Variants in CLPB observed in about 807,000 individuals in gnomAD.
CLPB encodes mitochondrial disaggregase.
CLPB carries 40 observed loss-of-function variants against 78.4 expected under a neutral mutation model. The ratio of observed to expected loss-of-function variants is 0.51; its 90% CI spans 0.40 to 0.66. CLPB has a LOEUF of 0.66. CLPB is among the 30% of genes least tolerant of loss of function. CLPB has a pLI of 0.00. For missense variants in CLPB, 780 were observed against 886.9 expected, an observed-to-expected ratio of 0.88 and a Z score of 1.53; for synonymous variants, 333 against 348.0, an observed-to-expected ratio of 0.96 and a Z score of 0.48.
intron 5 of CLPB, chr11:72,336,881 C>G (rs892087303): frequency 2.6e-6 from 1 of 389,814 alleles, no homozygotes; most frequent in Middle Eastern, 6.5e-4. Flanking sequence ...CTCAGCTCCA[C>G]TCTGTCCCCA....
chr11:72,397,652 A>G (rs1855447240), intron 3 of CLPB, among the ~76,000 whole-genome samples: 1 of 152,140 alleles, frequency 6.6e-6, no homozygotes, highest in African/African-American at 2.4e-5. Flanking sequence ...CTCTTTTTCG[A>G]TGAAGCATCT....
intron 2 of CLPB, among the ~76,000 whole-genome samples, chr11:72,418,222 G>A (rs1856080389): frequency 6.6e-6 from 1 of 152,206 alleles, no homozygotes; most frequent in South Asian, 2.1e-4. Context: ...TCTGTACCAT[G>A]TGTCTTCTGA....
Position 72,379,659 on chromosome 11 carries a change from T to C in CLPB, c.646+622A>G, listed in dbSNP as rs114941481. Among the ~76,000 whole-genome samples, 350 of 152,256 alleles carry C rather than the reference T, an allele frequency of 2.3e-3. 1 individual carries two copies. Among genetic ancestry groups the C allele is most frequent in the African/African-American group, 7.9e-3 (330 of 41,550 alleles). Reference sequence around the variant, plus strand: ...CATCCCAGACATCCCAGAGGAGGCATTGATGATGACCTCATTTTATGAGGA... The same window carrying C: ...CATCCCAGACATCCCAGAGGAGGCACTGATGATGACCTCATTTTATGAGGA... On this transcript the variant is annotated intron_variant, in intron 4 of 15. Coordinates refer to ENST00000538039, the MANE Select transcript of CLPB (RefSeq NM_001258392.3).
Position 72,294,621 on chromosome 11 carries a change from T to G in CLPB, c.1559A>C (p.Lys520Thr). The G allele has an allele frequency of 6.2e-7, 1 of 1,613,942 alleles. No homozygotes were observed. The highest frequency in any genetic ancestry group is 8.5e-7 in the Non-Finnish European group (1 of 1,179,778). ...GAAGTGCCAAGAAAGACCTCTTACT[T>G]TCAGGATAGGGCGAATCACATTCTC... is the stretch of plus-strand genomic sequence containing the variant. ...FKENVIRPILKAHFRRDEFLG... is the reference protein window; with the variant it reads ...FKENVIRPILTAHFRRDEFLG... The change falls in exon 13 of 16, where the codon AAA becomes ACA. Residue 520 changes from lysine (K) to threonine (T), a missense_variant and splice_region_variant. Transcript: ENST00000538039.
chr11:72,422,025 T>C (rs1856214298), intron 2 of CLPB, among the ~76,000 whole-genome samples: 1 of 149,622 alleles, frequency 6.7e-6, no homozygotes, highest in Non-Finnish European at 1.5e-5. Flanking sequence ...CCCAGCACTT[T>C]GGGAGGCCAA....
At chr11:72,431,985 C>T (rs765257885) in intron 1 of CLPB, among the ~76,000 whole-genome samples, 5 of 152,174 alleles carry the variant, frequency 3.3e-5, no homozygotes, top group African/African-American at 4.8e-5. Context: ...GGCAAGACCT[C>T]ACCAAATACA....
At chr11:72,429,414 T>C (rs1238326893) in intron 2 of CLPB, among the ~76,000 whole-genome samples, 1 of 152,132 alleles carries the variant, frequency 6.6e-6, no homozygotes, top group Non-Finnish European at 1.5e-5. Flanking sequence ...CTTTCTTGTA[T>C]GTTCAGGAAG....
At chr11:72,330,645 T>C (rs1950207709) in intron 5 of CLPB, among the ~76,000 whole-genome samples, 1 of 152,148 alleles carries the variant, frequency 6.6e-6, no homozygotes, top group South Asian at 2.1e-4. Flanking sequence ...ATCCATTCCA[T>C]TCAAGTCGGC....
At chr11:72,302,425 C>A (rs1251104531) in intron 9 of CLPB, 77 bp from the exon 10 acceptor site, 1 of 1,237,258 alleles carries the variant, frequency 8.1e-7, no homozygotes, top group South Asian at 1.2e-5. Context: ...GAGAGCACCT[C>A]AACTATCCCC....
chr11:72,332,372 C>G (rs1028170968), intron 5 of CLPB, among the ~76,000 whole-genome samples: 3 of 151,740 alleles, frequency 2.0e-5, no homozygotes, highest in African/African-American at 7.3e-5. Context: ...GCCCGTAATC[C>G]CAGCTACTCG....
chr11:72,389,927 C>G (rs996099540), intron 3 of CLPB, among the ~76,000 whole-genome samples: 1 of 152,040 alleles, frequency 6.6e-6, no homozygotes, highest in Non-Finnish European at 1.5e-5. Context: ...ATTCTCTCAA[C>G]CAGCTCAAGA....
intron 5 of CLPB, among the ~76,000 whole-genome samples, chr11:72,348,088 A>G (rs956307486): frequency 2.0e-5 from 3 of 152,218 alleles, no homozygotes; most frequent in Admixed American, 2.0e-4. Context: ...CTCCAGAACT[A>G]TAAGATAAAT....
At chr11:72,302,134 T>G (rs1590764601) in intron 10 of CLPB, 170 bp from the exon 11 acceptor site, 2 of 975,966 alleles carry the variant, frequency 2.0e-6, no homozygotes, top group East Asian at 5.1e-5. Flanking sequence ...ATGTTTATTC[T>G]TCAGAGCAAA....
chr11:72,321,807 T>G (rs539948543), intron 6 of CLPB, among the ~76,000 whole-genome samples: 9 of 152,142 alleles, frequency 5.9e-5, no homozygotes, highest in Non-Finnish European at 1.2e-4. Flanking sequence ...GTCCACCTGC[T>G]ACTCATAGAT....
intron 3 of CLPB, among the ~76,000 whole-genome samples, chr11:72,399,756 A>G (rs917595383): frequency 6.6e-6 from 1 of 152,236 alleles, no homozygotes; most frequent in Non-Finnish European, 1.5e-5. Flanking sequence ...TCAGCCTTGA[A>G]TCAAGGGTGC....
chr11:72,295,261 G>A (rs946508594), intron 12 of CLPB, among the ~76,000 whole-genome samples: 4 of 152,186 alleles, frequency 2.6e-5, no homozygotes, highest in Non-Finnish European at 5.9e-5. Context: ...TTCCTGCCTG[G>A]AGCCCTCTTA....
At chr11:72,394,446 C>T (rs554731909) in intron 3 of CLPB, among the ~76,000 whole-genome samples, 1 of 152,186 alleles carries the variant, frequency 6.6e-6, no homozygotes, top group South Asian at 2.1e-4. Flanking sequence ...ACTGGATGCT[C>T]TCCTATCCCC....
intron 4 of CLPB, among the ~76,000 whole-genome samples, chr11:72,378,514 G>C (rs1200582964): frequency 6.6e-6 from 1 of 152,192 alleles, no homozygotes; most frequent in East Asian, 1.9e-4. Flanking sequence ...GCATGGGAAA[G>C]ACTAGCCCCC....
Position 72,287,859 on chromosome 11 carries a change from C to CTAAT in CLPB, c.*5504_*5507dup, listed in dbSNP as rs1385410421. 6.6e-6 allele frequency: 1 copy of CTAAT among 152,132 alleles called. No individual in the cohort carries two copies. Among genetic ancestry groups the CTAAT allele is most frequent in the Non-Finnish European group, 1.5e-5 (1 of 68,018 alleles). 9.4% of individuals were successfully genotyped at this position (152,132 alleles called of 1,614,324 possible). A position where few individuals can be genotyped will look rare whatever the true frequency, so the allele number is the denominator to read the frequency against. ...TATGGTTATGTCTAATTTCTCATGC[C>CTAAT]TAATTTTGTTAATTTTTTTGGCTCC... On this transcript the variant is annotated 3_prime_UTR_variant, in exon 16 of 16. Transcript: ENST00000538039.
Sources: gnomAD v4.1 joint callset for allele counts (sites outside exome capture counted in the v4.1 genomes callset) on GRCh38, gnomAD v4.1.1 for gene constraint, MANE v1.5 for transcripts, NCBI Gene and HGNC (gene_info 2026-07-23, HGNC 2026-07-21) for gene names.